KIF2A: variants seen among roughly 807,000 people sequenced by gnomAD.
The protein encoded by KIF2A is kinesin-like protein KIF2A.
Under a neutral mutation model 100.2 loss-of-function variants are expected in KIF2A, and 22 were observed. The observed-to-expected ratio is 0.22, with a 90% CI of 0.16 to 0.31. The LOEUF is 0.31. Among genes scored for constraint, KIF2A ranks in the 10% least tolerant of loss-of-function variants. KIF2A has a pLI of 1.00. For missense variants in KIF2A, 495 were observed against 898.7 expected (o/e 0.55, Z 5.74); for synonymous variants, 268 against 285.9 (o/e 0.94, Z 0.63).
chr5:62,374,886 C>T (rs1308233002), intron 18 of KIF2A, among the ~76,000 whole-genome samples: 2 of 152,104 alleles, frequency 1.3e-5, no homozygotes, highest in Non-Finnish European at 2.9e-5. Context: ...GAGATCCCAC[C>T]ACTGCACTCC....
chr5:62,330,412 T>C (rs2111842379), intron 1 of KIF2A, among the ~76,000 whole-genome samples: 1 of 152,324 alleles, frequency 6.6e-6, no homozygotes, highest in African/African-American at 2.4e-5. Context: ...AATCACCTGA[T>C]ATGAAGTGGC....
chr5:62,373,315 C>A (rs1741397473), intron 17 of KIF2A, among the ~76,000 whole-genome samples: 1 of 151,638 alleles, frequency 6.6e-6, no homozygotes, highest in Admixed American at 6.6e-5. Context: ...TTTTTCTGTT[C>A]ATATAATTTA....
intron 11 of KIF2A, among the ~76,000 whole-genome samples, chr5:62,361,867 C>CA (rs912425682): frequency 2.1e-5 from 3 of 142,164 alleles, no homozygotes; most frequent in African/African-American, 5.9e-5. Flanking sequence ...ACTAAAAATA[C>CA]AAAAAAAAAC....
Position 62,387,835 on chromosome 5 carries a change from T to A in KIF2A, c.*2266T>A, listed in dbSNP as rs942040703. ...CTGGATTATACATTAAGAACAAGCATTATTTTAATTATGTAGTAACATTTA... is the reference window on the plus strand; with the variant it reads ...CTGGATTATACATTAAGAACAAGCAATATTTTAATTATGTAGTAACATTTA... On this transcript the variant is annotated 3_prime_UTR_variant, in exon 21 of 21. Transcript: ENST00000407818. 2 of 152,092 alleles carry A rather than the reference T, an allele frequency of 1.3e-5. No individual in the cohort carries two copies. The highest frequency in any genetic ancestry group is 2.4e-5 in the African/African-American group (1 of 41,430). 9.4% of individuals were successfully genotyped at this position (152,092 alleles called of 1,614,324 possible).
At chr5:62,360,763 G>A (rs1246692993) in intron 9 of KIF2A, among the ~76,000 whole-genome samples, 1 of 151,880 alleles carries the variant, frequency 6.6e-6, no homozygotes, top group Non-Finnish European at 1.5e-5. Flanking sequence ...CTTACTAATA[G>A]AATTCATTTT....
At chr5:62,343,215 G>A (rs1008194559) in intron 1 of KIF2A, among the ~76,000 whole-genome samples, 4 of 152,102 alleles carry the variant, frequency 2.6e-5, no homozygotes, top group Non-Finnish European at 5.9e-5. Flanking sequence ...ATTGAAGTAA[G>A]GATTATTTAA....
intron 7 of KIF2A, among the ~76,000 whole-genome samples, chr5:62,357,086 C>CT (rs948979287): frequency 1.9e-3 from 263 of 136,088 alleles, no homozygotes; most frequent in Non-Finnish European, 3.1e-3. Flanking sequence ...ATCACAACTT[C>CT]TTTTTTTTTT....
At chr5:62,350,217 T>C (rs1406728849) in intron 4 of KIF2A, 97 bp downstream of exon 4, 3 of 682,384 alleles carry the variant, frequency 4.4e-6, no homozygotes, top group Non-Finnish European at 4.9e-6. Flanking sequence ...GATGTTGGTA[T>C]TTATTTAAAT....
chr5:62,380,708 G>A (rs529118823), intron 19 of KIF2A, among the ~76,000 whole-genome samples: 5 of 152,224 alleles, frequency 3.3e-5, no homozygotes, highest in East Asian at 1.9e-4. Flanking sequence ...TAAGAAAATC[G>A]TAAGAAAGGA....
chr5:62,360,179 G>A (rs549612319), intron 9 of KIF2A, among the ~76,000 whole-genome samples: 12 of 151,578 alleles, frequency 7.9e-5, no homozygotes, highest in East Asian at 7.9e-4. Context: ...TAGTAGAGAC[G>A]GGGTTTCACC....
chr5:62,324,604 C>T (rs187731998), intron 1 of KIF2A, among the ~76,000 whole-genome samples: 307 of 152,222 alleles, frequency 2.0e-3, no homozygotes, highest in African/African-American at 7.0e-3. Flanking sequence ...TAGCAAGCAA[C>T]GGGGAAAGGA....
chr5:62,324,244 A>G (rs187653569), intron 1 of KIF2A, among the ~76,000 whole-genome samples: 145 of 152,292 alleles, frequency 9.5e-4, no homozygotes, highest in Non-Finnish European at 1.2e-3. Flanking sequence ...TTCCATGATC[A>G]TGGATAAGAA....
In KIF2A at chr5:62,306,222, T is replaced by G; in HGVS notation, c.-251T>G. The G allele has an allele frequency of 4.4e-6, 2 of 451,480 alleles. No individual in the cohort carries two copies. Among genetic ancestry groups the G allele is most frequent in the Non-Finnish European group, 7.8e-6 (2 of 255,400 alleles). 28.0% of individuals were successfully genotyped at this position (451,480 alleles called of 1,614,324 possible). On this transcript the variant is annotated 5_prime_UTR_variant, in exon 1 of 21. Transcript: ENST00000407818. ...GGCCCTCCCACTCTACCCCGCGCCG[T>G]CTCACGGCCCCGGCCCTAGCTTCAC...
At chr5:62,376,488 C>T (rs2111993216) in intron 18 of KIF2A, among the ~76,000 whole-genome samples, 1 of 152,164 alleles carries the variant, frequency 6.6e-6, no homozygotes, top group African/African-American at 2.4e-5. Flanking sequence ...GGCACGATCT[C>T]AGCTTACTGC....
chr5:62,323,682 T>C (rs1165721585), intron 1 of KIF2A, among the ~76,000 whole-genome samples: 1 of 152,168 alleles, frequency 6.6e-6, no homozygotes, highest in African/African-American at 2.4e-5. Context: ...TATTGAAAAT[T>C]AGTGAAGCTG....
intron 16 of KIF2A, among the ~76,000 whole-genome samples, chr5:62,367,166 T>C (rs1177123304): frequency 6.6e-6 from 1 of 152,236 alleles, no homozygotes; most frequent in African/African-American, 2.4e-5. Context: ...TTTTGGTATA[T>C]GTTGCATATT....
At chr5:62,369,684 T>TG (rs924165518) in intron 16 of KIF2A, among the ~76,000 whole-genome samples, 3 of 152,026 alleles carry the variant, frequency 2.0e-5, no homozygotes, top group South Asian at 2.1e-4. Context: ...AATTTTTTTT[T>TG]TTAACAGCCA....
chr5:62,349,751 C>T (rs1747753934), intron 3 of KIF2A, among the ~76,000 whole-genome samples: 1 of 152,130 alleles, frequency 6.6e-6, no homozygotes, highest in African/African-American at 2.4e-5. Flanking sequence ...CTTAACCTCT[C>T]TTTGTTTCAG....
chr5:62,380,237 A>C (rs574102702), intron 19 of KIF2A, among the ~76,000 whole-genome samples: 1 of 152,290 alleles, frequency 6.6e-6, no homozygotes, highest in South Asian at 2.1e-4. Flanking sequence ...TGAGTCCCTA[A>C]TTGGATATGT....
Sources: gnomAD v4.1 joint callset for allele counts (sites outside exome capture counted in the v4.1 genomes callset) on GRCh38, gnomAD v4.1.1 for gene constraint, MANE v1.5 for transcripts, NCBI Gene and HGNC (gene_info 2026-07-23, HGNC 2026-07-21) for gene names.